Variants in GABRR1 observed in about 807,000 individuals in gnomAD.
GABRR1 encodes the protein gamma-aminobutyric acid type A receptor subunit rho1.
GABRR1 carries 59 observed loss-of-function variants against 55.5 expected under a neutral mutation model. The ratio of observed to expected loss-of-function variants is 1.06; its 90% CI spans 0.86 to 1.32. The LOEUF (loss-of-function observed/expected upper bound fraction) is 1.32. Ranked by LOEUF, GABRR1 falls within the 40% of genes most tolerant of loss-of-function variation. The pLI, the probability that GABRR1 is intolerant of heterozygous loss-of-function variation, is 0.00. For synonymous variants in GABRR1, 213 were observed against 226.0 expected (o/e 0.94, Z 0.51); for missense variants, 602 against 619.1 (o/e 0.97, Z 0.29).
chr6:89,210,042 G>A (rs1772779511), intron 1 of GABRR1, among the ~76,000 whole-genome samples: 1 of 152,094 alleles, frequency 6.6e-6, no homozygotes. Flanking sequence ...CACCAGAAGT[G>A]GAAACATGGG....
Position 89,201,182 on chromosome 6 carries a change from A to G in GABRR1, c.257T>C (p.Phe86Ser). The G allele has an allele frequency of 6.2e-7, 1 of 1,614,038 alleles. No individual in the cohort carries two copies. The highest frequency in any genetic ancestry group is 8.5e-7 in the Non-Finnish European group (1 of 1,179,872). The change falls in exon 3 of 10, where the codon TTC (phenylalanine) becomes TCC (serine). Residue 86 changes from phenylalanine to serine, a missense_variant. Around this residue, in one of 3 missense-constraint regions of GABRR1, gnomAD observed 435 missense variants for 424.2 expected, o/e 1.03. Transcript: ENST00000454853. ...ACCTCCAAAGCCAGGCCTCATGCTG[A>G]AATCATGGTCATCTATCCTCAGAAG... is the stretch of plus-strand genomic sequence containing the variant. ...EQLLRIDDHD[F>S]SMRPGFGGPA... is the part of the protein sequence containing the mutation.
At chr6:89,204,711 G>A (rs565620927) in intron 1 of GABRR1, 37 of 1,227,278 alleles carry the variant, frequency 3.0e-5, no homozygotes, top group South Asian at 1.9e-4. Flanking sequence ...AAGAGAAGAC[G>A]GATGAATAAA....
At chr6:89,192,361 C>T (rs1163542433) in intron 5 of GABRR1, among the ~76,000 whole-genome samples, 5 of 152,082 alleles carry the variant, frequency 3.3e-5, no homozygotes, top group Admixed American at 6.5e-5. Context: ...TCTGGCTCTG[C>T]CCCCAGAGTG....
At chr6:89,186,247 G>A (rs1027514393) in intron 6 of GABRR1, among the ~76,000 whole-genome samples, 6 of 152,194 alleles carry the variant, frequency 3.9e-5, no homozygotes, top group Admixed American at 6.5e-5. Flanking sequence ...ACCTGGCTTG[G>A]CTATGGTACC....
chr6:89,210,758 TTGTG>T (rs1381923897), intron 1 of GABRR1, among the ~76,000 whole-genome samples: 1 of 152,106 alleles, frequency 6.6e-6, no homozygotes, highest in Admixed American at 6.6e-5. Context: ...TTGTTCTTGA[TTGTG>T]GGGAAACAAG....
In GABRR1 at chr6:89,207,876, T is replaced by C. The variant is rs138398533; in HGVS notation, c.123-4391A>G. On this transcript the variant is annotated intron_variant, in intron 1 of 9. Transcript: ENST00000454853. ...TCTCTGAGGCCATGACCTGGTACAG[T>C]AGGAGGAAGCAGGCAGTTAGGAAGC... is the stretch of plus-strand genomic sequence containing the variant. Among the ~76,000 whole-genome samples the C allele has an allele frequency of 1.3e-3, 198 of 152,314 alleles. 1 individual carries two copies. Among genetic ancestry groups the C allele is most frequent in the Admixed American group, 2.0e-3 (30 of 15,302 alleles).
chr6:89,215,109 C>G (rs970345066), intron 1 of GABRR1, among the ~76,000 whole-genome samples: 1 of 152,218 alleles, frequency 6.6e-6, no homozygotes, highest in African/African-American at 2.4e-5. Flanking sequence ...TAAATTGGCA[C>G]AGCCATTATG....
rs1459835523 is a variant in GABRR1 at position 89,178,787 on chromosome 6, A to C, written c.1423T>G (p.Trp475Gly). The change falls in exon 10 of 10, where the codon TGG becomes GGG. Residue 475 changes from tryptophan (W) to glycine (G), a missense_variant. By Grantham distance (184) the Trp-to-Gly change is radical. This residue lies in a region of GABRR1 where 139 missense variants were observed against 141.1 expected (regional missense o/e 0.99). Coordinates refer to ENST00000454853, the MANE Select transcript of GABRR1 (RefSeq NM_002042.5). ...AAYILFNLIYWSIFS is the reference protein window; with the variant it reads ...AAYILFNLIYGSIFS ...ACAAGCATCTAGGAGAAAATAGACC[A>C]GTATATTAAATTGAATAAAATGTAT... The C allele has an allele frequency of 6.2e-7, 1 of 1,613,010 alleles. No homozygotes were observed. The highest frequency in any genetic ancestry group is 8.5e-7 in the Non-Finnish European group (1 of 1,179,070).
rs1472284189 is a variant in GABRR1 at position 89,185,206 on chromosome 6, A to G, written c.796+104T>C. ...GTCTTTAGTTTCAAATATAAGTGAC[A>G]CTGCTCACCTGACGACCAATTCAAA... On this transcript the variant is annotated intron_variant, in intron 7 of 9. Transcript: ENST00000454853. The G allele has an allele frequency of 1.1e-5, 16 of 1,423,850 alleles. No individual in the cohort carries two copies. In the East Asian group the frequency reaches 3.6e-4, roughly 32 times the overall value. 88.2% of individuals were successfully genotyped at this position (1,423,850 alleles called of 1,614,324 possible).
intron 2 of GABRR1, among the ~76,000 whole-genome samples, chr6:89,202,694 T>A (rs530641472): frequency 6.6e-5 from 10 of 152,044 alleles, no homozygotes; most frequent in South Asian, 2.1e-4. Flanking sequence ...ATTTTATATT[T>A]TTTATTTATT....
At chr6:89,213,547 T>C (rs1006489056) in intron 1 of GABRR1, among the ~76,000 whole-genome samples, 1 of 152,234 alleles carries the variant, frequency 6.6e-6, no homozygotes, top group African/African-American at 2.4e-5. Flanking sequence ...TATACAAAGA[T>C]GTAAATACAG....
intron 3 of GABRR1, among the ~76,000 whole-genome samples, chr6:89,200,525 A>C (rs1582393487): frequency 6.6e-6 from 1 of 151,936 alleles, no homozygotes; most frequent in East Asian, 1.9e-4. Flanking sequence ...AAATCCCAAA[A>C]TGTTAGGATT....
chr6:89,220,380 T>A (rs566903419), upstream of GABRR1, among the ~76,000 whole-genome samples: 1 of 152,156 alleles, frequency 6.6e-6, no homozygotes, highest in African/African-American at 2.4e-5. Flanking sequence ...ACTTCCTCCA[T>A]CCAGAAGTTC....
At chr6:89,184,015 C>A (rs445850) in intron 7 of GABRR1, among the ~76,000 whole-genome samples, 2 of 151,710 alleles carry the variant, frequency 1.3e-5, no homozygotes, top group African/African-American at 4.8e-5. Context: ...TGAGGTGGGC[C>A]AATCATTTGA....
At chr6:89,184,389 C>T (rs1228481368) in intron 7 of GABRR1, among the ~76,000 whole-genome samples, 1 of 150,474 alleles carries the variant, frequency 6.6e-6, no homozygotes, top group African/African-American at 2.4e-5. Context: ...AGGCAAGCTC[C>T]CAGGAGAAAG....
Position 89,180,430 on chromosome 6 carries a change from C to T in GABRR1, c.1008G>A (p.Pro336=), listed in dbSNP as rs746432349. 6.1e-5 allele frequency: 98 copies of T among 1,613,794 alleles called. 1 individual carries two copies. The highest frequency in any genetic ancestry group is 9.3e-5 in the African/African-American group (7 of 74,882). The change falls in exon 9 of 10, where the codon CCG becomes CCA. Residue 336 remains proline (P), a synonymous_variant. Coordinates refer to ENST00000454853, the MANE Select transcript of GABRR1 (RefSeq NM_002042.5). ...TIITGVNASM[P]RVSYIKAVDI... is the part of the protein sequence containing the mutation. ...CCACGGCCTTGATGTAGGAGACGCGCGGCATGGAGGCATTCACGCCCGTGA... is the reference window on the plus strand; with the variant it reads ...CCACGGCCTTGATGTAGGAGACGCGTGGCATGGAGGCATTCACGCCCGTGA...
Position 89,181,938 on chromosome 6 carries a change from C to T in GABRR1, c.916G>A (p.Asp306Asn), listed in dbSNP as rs148297742. ...ACTCTGGCAGGCACGGCTCTGCGGT[C>T]GATCCAGAAGGACACCCAGGACAGC... The part of the protein sequence containing the change: ...VMLSWVSFWI[D>N]RRAVPARVPL... The change falls in exon 8 of 10, where the codon GAC becomes AAC. Residue 306 changes from aspartate (D) to asparagine (N), a missense_variant. Coordinates refer to ENST00000454853, the MANE Select transcript of GABRR1 (RefSeq NM_002042.5). 13 of 1,613,742 alleles carry T rather than the reference C, an allele frequency of 8.1e-6. No individual in the cohort carries two copies. The highest frequency in any genetic ancestry group is 2.2e-5 in the South Asian group (2 of 90,996).
intron 5 of GABRR1, among the ~76,000 whole-genome samples, chr6:89,191,224 T>A (rs3777536): frequency 6.6e-6 from 1 of 152,122 alleles, no homozygotes; most frequent in Admixed American, 6.5e-5. Flanking sequence ...CATTTTTGAT[T>A]GCCAGCAGCT....
chr6:89,193,796 A>G (rs567701664), intron 5 of GABRR1, among the ~76,000 whole-genome samples: 3 of 152,334 alleles, frequency 2.0e-5, no homozygotes, highest in South Asian at 2.1e-4. Flanking sequence ...AAGATTTTCA[A>G]CAGCAACAAC....
Sources: allele counts gnomAD v4.1 joint callset (sites outside exome capture counted in the v4.1 genomes callset), GRCh38; gene constraint gnomAD v4.1.1; regional missense constraint gnomAD v4.1.1; transcripts MANE v1.5; gene names NCBI Gene and HGNC (gene_info 2026-07-23, HGNC 2026-07-21).